MYOM2: variants seen among roughly 807,000 people sequenced by gnomAD.
MYOM2 encodes the protein myomesin-2.
A neutral mutation model predicts 187.6 loss-of-function variants in MYOM2; 254 were observed. The observed-to-expected ratio is 1.35, with a 90% confidence interval of 1.22 to 1.50. The LOEUF is 1.50. MYOM2 is among the 40% of genes most tolerant of loss of function. MYOM2 has a pLI of 0.00. For missense variants in MYOM2, 2,796 were observed against 1,924.0 expected, an observed-to-expected ratio of 1.45 and a Z score of -8.48; for synonymous variants, 981 against 753.8, an observed-to-expected ratio of 1.30 and a Z score of -4.94.
intron 10 of MYOM2, among the ~76,000 whole-genome samples, chr8:2,075,839 G>A (rs1047709819): frequency 1.3e-5 from 2 of 152,176 alleles, no homozygotes; most frequent in African/African-American, 4.8e-5. Context: ...CCAACGTGCC[G>A]TTATGCACCA....
chr8:2,068,713 C>T (rs1351755200), intron 6 of MYOM2, among the ~76,000 whole-genome samples: 1 of 152,210 alleles, frequency 6.6e-6, no homozygotes, highest in Non-Finnish European at 1.5e-5. Flanking sequence ...GGATGGACTG[C>T]CCCATGGGAA....
At chr8:2,124,295 C>T in intron 31 of MYOM2, 78 bp downstream of exon 31, 1 of 1,391,720 alleles carries the variant, frequency 7.2e-7, no homozygotes, top group Non-Finnish European at 1.0e-6. Flanking sequence ...GTCACTGCTG[C>T]AAAAGAGGGC....
chr8:2,144,727 G>T lies in MYOM2; in HGVS notation c.4144G>T (p.Asp1382Tyr), dbSNP rs769907128. Residue 1382 changes from aspartate (D) to tyrosine (Y), a missense_variant, in exon 37 of 37, where the codon GAC becomes TAC. Asp to Tyr is a radical substitution (Grantham distance 160). Coordinates refer to ENST00000262113, the MANE Select transcript of MYOM2 (RefSeq NM_003970.4). ...CCCCGAAGTGATTTGGTTCAAGAAC[G>T]ACCAGGACATCCAGCTCAGCGAGCA... is the stretch of plus-strand genomic sequence containing the variant. ...PDPEVIWFKN[D>Y]QDIQLSEHFS... is the part of the protein sequence containing the mutation. 6.2e-7 allele frequency: 1 copy of T among 1,613,902 alleles called. No individual in the cohort carries two copies. The highest frequency in any genetic ancestry group is 8.5e-7 in the Non-Finnish European group (1 of 1,180,028).
chr8:2,111,558 A>G (rs1214921820), intron 25 of MYOM2, among the ~76,000 whole-genome samples: 3 of 152,236 alleles, frequency 2.0e-5, no homozygotes, highest in African/African-American at 7.2e-5. Context: ...CAGTGCATTT[A>G]TCTGATCAAC....
intron 21 of MYOM2, among the ~76,000 whole-genome samples, chr8:2,105,679 T>TA (rs1278311288): frequency 6.6e-6 from 1 of 151,802 alleles, no homozygotes; most frequent in Admixed American, 6.6e-5. Context: ...TATGGTAAAT[T>TA]AAAAAAAATT....
At chr8:2,144,510 A>G (rs976478619) in intron 36 of MYOM2, among the ~76,000 whole-genome samples, 154 bp from the exon 37 acceptor site, 1 of 152,154 alleles carries the variant, frequency 6.6e-6, no homozygotes, top group African/African-American at 2.4e-5. Flanking sequence ...CTCTGTCCAG[A>G]GCGGCGCTCA....
intron 32 of MYOM2, among the ~76,000 whole-genome samples, chr8:2,136,886 C>T (rs1563082428): frequency 6.6e-6 from 1 of 152,184 alleles, no homozygotes; most frequent in Non-Finnish European, 1.5e-5. Context: ...TAAAACGCTG[C>T]CACTTCATGA....
intron 1 of MYOM2, 50 bp from the exon 2 acceptor site, chr8:2,050,705 C>G (rs1212128677): frequency 1.8e-6 from 2 of 1,127,696 alleles, no homozygotes; most frequent in Non-Finnish European, 2.7e-6. Context: ...TGGCAGAGGC[C>G]TCATGATGCT....
chr8:2,047,508 A>G (rs1385340896), intron 1 of MYOM2, among the ~76,000 whole-genome samples: 1 of 152,174 alleles, frequency 6.6e-6, no homozygotes, highest in Non-Finnish European at 1.5e-5. Context: ...TACTCTCCCG[A>G]GCCAGGAGCT....
At position 2,116,086 on chromosome 8, in the gene MYOM2, C is replaced by G. The variant is rs778287356; in HGVS notation, c.3307C>G (p.Leu1103Val). The change falls in exon 26 of 37, where the codon CTA (leucine) becomes GTA (valine). Residue 1103 changes from leucine (L) to valine (V), a missense_variant. Coordinates refer to ENST00000262113, the MANE Select transcript of MYOM2 (RefSeq NM_003970.4). ...TGGGAAAGCCAAAAGTCAGTCTTCT[C>G]TAGTTCTTATTGGAGATGGTATGCT... ...HDGKAKSQSS[L>V]VLIGDAFKTV... The G allele has an allele frequency of 5.0e-6, 8 of 1,612,592 alleles. No individual in the cohort carries two copies. The highest frequency in any genetic ancestry group is 5.1e-6 in the Non-Finnish European group (6 of 1,179,832).
chr8:2,095,082 A>C (rs1796433396), intron 17 of MYOM2, among the ~76,000 whole-genome samples: 1 of 152,124 alleles, frequency 6.6e-6, no homozygotes, highest in Admixed American at 6.6e-5. Flanking sequence ...TCTTTGACTA[A>C]ATTTGCAACA....
At chr8:2,064,592 C>G (rs1818954798) in intron 6 of MYOM2, among the ~76,000 whole-genome samples, 1 of 152,218 alleles carries the variant, frequency 6.6e-6, no homozygotes, top group Non-Finnish European at 1.5e-5. Context: ...TGGCTCCTGC[C>G]TCTGAGCACC....
At chr8:2,126,505 C>G (rs935156257) in intron 31 of MYOM2, among the ~76,000 whole-genome samples, 1 of 152,268 alleles carries the variant, frequency 6.6e-6, no homozygotes, top group East Asian at 1.9e-4. Context: ...TACATGTGAA[C>G]TCACACACTG....
chr8:2,118,072 G>A (rs1797307923), intron 28 of MYOM2, 120 bp downstream of exon 28: 1 of 790,686 alleles, frequency 1.3e-6, no homozygotes, highest in Non-Finnish European at 2.0e-6. Context: ...TGTGGTGCCT[G>A]TGTAGCTGCG....
At chr8:2,098,553 C>G (rs1262276813) in intron 18 of MYOM2, among the ~76,000 whole-genome samples, 1 of 152,176 alleles carries the variant, frequency 6.6e-6, no homozygotes, top group East Asian at 1.9e-4. Context: ...CTCTCTGGGC[C>G]TCAGTTTCCT....
At chr8:2,050,917 G>C (rs1431075593) in intron 2 of MYOM2, 44 bp downstream of exon 2, 6 of 1,461,702 alleles carry the variant, frequency 4.1e-6, no homozygotes, top group Non-Finnish European at 5.7e-6. Context: ...CTTTGATTAT[G>C]GGGGTCTGAC....
chr8:2,088,197 G>A (rs967880229), intron 14 of MYOM2, among the ~76,000 whole-genome samples: 12 of 151,818 alleles, frequency 7.9e-5, no homozygotes, highest in Admixed American at 6.6e-4. Context: ...TTTATCCCTC[G>A]CCTCCCTCCC....
chr8:2,107,867 T>C (rs1400196533), intron 23 of MYOM2, among the ~76,000 whole-genome samples: 1 of 152,114 alleles, frequency 6.6e-6, no homozygotes, highest in African/African-American at 2.4e-5. Context: ...GTTTCCATCT[T>C]AATTTTAACT....
intron 16 of MYOM2, 133 bp from the exon 17 acceptor site, chr8:2,093,837 C>G: frequency 9.3e-7 from 1 of 1,072,122 alleles, no homozygotes; most frequent in Non-Finnish European, 1.4e-6. Context: ...AGCTAATTAA[C>G]TAGAATTGAA....
Sources: gnomAD v4.1 joint callset for allele counts (sites outside exome capture counted in the v4.1 genomes callset) on GRCh38, gnomAD v4.1.1 for gene constraint, MANE v1.5 for transcripts, NCBI Gene and HGNC (gene_info 2026-07-23, HGNC 2026-07-21) for gene names.